The following AP3B1 variants were observed in gnomAD, a reference collection of about 807,000 sequenced individuals.
AP3B1 encodes the protein adaptor related protein complex 3 subunit beta 1.
AP3B1 carries 61 observed loss-of-function variants against 132.5 expected under a neutral mutation model. The observed-to-expected ratio is 0.46, with a 90% CI of 0.37 to 0.57. AP3B1 has a LOEUF of 0.57. AP3B1 is among the 20% of genes least tolerant of loss of function. The pLI is 0.00. For synonymous variants in AP3B1, 388 were observed against 438.3 expected (o/e 0.89, Z 1.43); for missense variants, 1,120 against 1,289.4 (o/e 0.87, Z 2.01).
chr5:78,089,819 AT>A (rs1302709965), intron 21 of AP3B1, among the ~76,000 whole-genome samples: 4 of 151,984 alleles, frequency 2.6e-5, no homozygotes, highest in Non-Finnish European at 4.4e-5. Context: ...GTAAAGAAAC[AT>A]TTTTTTTCCA....
intron 22 of AP3B1, among the ~76,000 whole-genome samples, chr5:78,064,016 AG>A (rs1168386378): frequency 8.6e-5 from 13 of 151,710 alleles, no homozygotes; most frequent in African/African-American, 3.1e-4. Flanking sequence ...AAGTACTTGC[AG>A]GGGGGGTCGG....
chr5:78,268,172 T>C (rs1217734094), intron 1 of AP3B1, among the ~76,000 whole-genome samples: 1 of 152,202 alleles, frequency 6.6e-6, no homozygotes, highest in African/African-American at 2.4e-5. Context: ...ACACATACTA[T>C]AAATGTTCAC....
intron 2 of AP3B1, among the ~76,000 whole-genome samples, chr5:78,265,173 A>G (rs1748266734): frequency 6.6e-6 from 1 of 152,230 alleles, no homozygotes. Flanking sequence ...ACATTGGCTC[A>G]CACCTATAAT....
chr5:78,200,276 C>T (rs1208416649), intron 7 of AP3B1, among the ~76,000 whole-genome samples: 1 of 151,934 alleles, frequency 6.6e-6, no homozygotes, highest in African/African-American at 2.4e-5. Flanking sequence ...CAGAAGGGTT[C>T]AAGGAGGCTC....
At chr5:78,007,327 T>TTTA (rs1313342171) in intron 26 of AP3B1, among the ~76,000 whole-genome samples, 1 of 152,226 alleles carries the variant, frequency 6.6e-6, no homozygotes, top group Non-Finnish European at 1.5e-5. Context: ...TTTTCTTCTC[T>TTTA]TGGATAGTCT....
intron 22 of AP3B1, chr5:78,044,008 G>T: frequency 3.4e-6 from 1 of 294,322 alleles, no homozygotes. Flanking sequence ...AGAAACATTA[G>T]ATCAACCCCT....
intron 22 of AP3B1, among the ~76,000 whole-genome samples, chr5:78,084,521 C>CA (rs568637894): frequency 0.27 from 11,731 of 43,778 alleles, 2,081 homozygotes; most frequent in Admixed American, 0.32. Context: ...CAGACCCTGT[C>CA]AAAAAAAAAA....
At chr5:78,168,760 T>C (rs550281293) in intron 11 of AP3B1, among the ~76,000 whole-genome samples, 2 of 152,332 alleles carry the variant, frequency 1.3e-5, no homozygotes, top group Non-Finnish European at 2.9e-5. Context: ...ATTGTCACTA[T>C]GCACGTAAGT....
At chr5:78,251,045 A>C (rs929905446) in intron 2 of AP3B1, among the ~76,000 whole-genome samples, 8 of 152,210 alleles carry the variant, frequency 5.3e-5, no homozygotes, top group Admixed American at 2.6e-4. Context: ...GACTGACAGA[A>C]AAGGGAGAAA....
At position 78,294,618 on chromosome 5, in the gene AP3B1, G is replaced by T. The variant is rs978825309; in HGVS notation, c.-39C>A. ...GCGGGTGCGGGGTTGGTCCTGCCGGGGGTTCTCTCCAAAAGGTTCCAGTCC... is the reference window on the plus strand; with the variant it reads ...GCGGGTGCGGGGTTGGTCCTGCCGGTGGTTCTCTCCAAAAGGTTCCAGTCC... On this transcript the variant is annotated 5_prime_UTR_variant, in exon 1 of 27. Transcript: ENST00000255194. 9.9e-6 allele frequency: 16 copies of T among 1,612,880 alleles called. No individual in the cohort carries two copies. The African/African-American group carries it at 1.6e-4, about 16-fold the overall frequency.
intron 3 of AP3B1, among the ~76,000 whole-genome samples, chr5:78,236,778 A>G (rs1746897196): frequency 1.3e-5 from 2 of 152,184 alleles, no homozygotes; most frequent in South Asian, 4.1e-4. Flanking sequence ...CCTATGCCTC[A>G]TAATTTTTCT....
chr5:78,189,000 T>G (rs576863106), intron 7 of AP3B1, among the ~76,000 whole-genome samples: 1 of 152,278 alleles, frequency 6.6e-6, no homozygotes, highest in African/African-American at 2.4e-5. Context: ...CACCACGTTC[T>G]CACTTATAAG....
chr5:78,039,791 A>G (rs1402893810), intron 22 of AP3B1, among the ~76,000 whole-genome samples: 70 of 146,196 alleles, frequency 4.8e-4, no homozygotes, highest in Middle Eastern at 3.6e-3. Flanking sequence ...AAAAAAAAAA[A>G]AGAAAAGAAA....
rs769441451 is a variant in AP3B1, at chr5:78,110,335, T to C, written c.2269A>G (p.Lys757Glu). 1 of 1,609,092 alleles carries C rather than the reference T, an allele frequency of 6.2e-7. No individual in the cohort carries two copies. The highest frequency in any genetic ancestry group is 1.1e-5 in the South Asian group (1 of 90,652). ...KGKSDSEDGE[K>E]ENEKSKTSDS... ...GAAGTTTTAGATTTTTCATTTTCCT[T>C]CTCCCCATCTTCAGAATCACTACAC... Residue 757 changes from lysine to glutamate, a missense_variant, in exon 20 of 27, where the codon AAG becomes GAG. Lys to Glu is a moderately conservative substitution (Grantham distance 56). Coordinates refer to ENST00000255194, the MANE Select transcript of AP3B1 (RefSeq NM_003664.5).
At chr5:78,072,712 CTTTTTTTTTTTTTTT>C (rs34203981) in intron 22 of AP3B1, among the ~76,000 whole-genome samples, 4 of 68,264 alleles carry the variant, frequency 5.9e-5, no homozygotes, top group Admixed American at 2.7e-4. Context: ...CTGATATATT[CTTTTTTTTTTTTTTT>C]TTTTTTTTTT....
chr5:78,132,121 CTG>C (rs1374870560), intron 15 of AP3B1, among the ~76,000 whole-genome samples: 4 of 152,138 alleles, frequency 2.6e-5, no homozygotes, highest in Non-Finnish European at 5.9e-5. Flanking sequence ...TTCGGTCAAA[CTG>C]TGTATACTAA....
chr5:78,077,435 T>C (rs1749810207), intron 22 of AP3B1, among the ~76,000 whole-genome samples: 1 of 152,168 alleles, frequency 6.6e-6, no homozygotes, highest in African/African-American at 2.4e-5. Context: ...TCCTTCAGCA[T>C]TGTTTACCCT....
At chr5:78,276,031 A>T (rs1417896965) in intron 1 of AP3B1, among the ~76,000 whole-genome samples, 1 of 152,128 alleles carries the variant, frequency 6.6e-6, no homozygotes. Flanking sequence ...ACCAATACTT[A>T]AAAAATAAAA....
intron 5 of AP3B1, 81 bp from the exon 6 acceptor site, chr5:78,225,689 G>A: frequency 2.3e-6 from 2 of 874,102 alleles, no homozygotes; most frequent in East Asian, 2.5e-5. Context: ...AGGATGTTGA[G>A]AAATTTTTAA....
Sources: allele counts gnomAD v4.1 joint callset (sites outside exome capture counted in the v4.1 genomes callset), GRCh38; gene constraint gnomAD v4.1.1; transcripts MANE v1.5; gene names NCBI Gene and HGNC (gene_info 2026-07-23, HGNC 2026-07-21).